The following CHRM3 variants were observed in gnomAD, a reference collection of about 807,000 sequenced individuals.
The protein encoded by CHRM3 is muscarinic acetylcholine receptor M3.
CHRM3 carries 11 observed loss-of-function variants against 41.8 expected under a neutral mutation model. The observed-to-expected ratio is 0.26, with a 90% confidence interval of 0.17 to 0.44. The LOEUF (loss-of-function observed/expected upper bound fraction) is 0.44, where lower values mean the gene tolerates loss of function less well. Ranked by LOEUF, CHRM3 falls within the 20% of genes least tolerant of loss-of-function variation. The pLI is 1.00. For synonymous variants in CHRM3, 297 were observed against 301.4 expected (o/e 0.99, Z 0.15); for missense variants, 571 against 745.4 (o/e 0.77, Z 2.72).
intron 5 of CHRM3, among the ~76,000 whole-genome samples, chr1:239,795,864 G>T (rs761879469): frequency 6.6e-6 from 1 of 152,102 alleles, no homozygotes; most frequent in Admixed American, 6.5e-5. Context: ...CAGCACACTG[G>T]ACCTGACCAA....
intron 2 of CHRM3, among the ~76,000 whole-genome samples, chr1:239,516,598 T>C (rs1669288732): frequency 6.6e-6 from 1 of 152,196 alleles, no homozygotes; most frequent in Non-Finnish European, 1.5e-5. Context: ...GAAGCTTCAG[T>C]TCCTTTACGC....
At chr1:239,834,309 C>T (rs995332756) in intron 6 of CHRM3, among the ~76,000 whole-genome samples, 2 of 139,464 alleles carry the variant, frequency 1.4e-5, no homozygotes, top group Non-Finnish European at 3.0e-5. Flanking sequence ...CAACTTAATG[C>T]CTTTTTTTTT....
At position 239,907,986 on chromosome 1, in the gene CHRM3, A is replaced by G; in HGVS notation, c.535A>G (p.Lys179Glu). 6.2e-7 allele frequency: 1 copy of G among 1,614,220 alleles called. No homozygotes were observed. The highest frequency in any genetic ancestry group is 1.7e-5 in the Admixed American group (1 of 60,022). Reference sequence around the variant, plus strand: ...CACGAGGCCGCTCACGTACCGAGCCAAACGAACAACAAAGAGAGCCGGTGT... The same window carrying G: ...CACGAGGCCGCTCACGTACCGAGCCGAACGAACAACAAAGAGAGCCGGTGT... Reference protein sequence around the residue: ...SITRPLTYRAKRTTKRAGVMI... With the variant: ...SITRPLTYRAERTTKRAGVMI... Residue 179 changes from lysine (K) to glutamate (E), a missense_variant, in exon 7 of 7, where the codon AAA becomes GAA. Physicochemically the swap from Lys to Glu is moderately conservative, Grantham distance 56 (BLOSUM62 1). Transcript: ENST00000676153. The surrounding 1 kb of genome is among the most constrained non-coding windows in gnomAD (Gnocchi z 5.4).
chr1:239,585,541 G>A (rs551815904), intron 3 of CHRM3, among the ~76,000 whole-genome samples: 4 of 152,270 alleles, frequency 2.6e-5, no homozygotes, highest in Admixed American at 6.5e-5. Flanking sequence ...AAGGGCAACC[G>A]TCAGCCTTTC....
Position 239,511,345 on chromosome 1 carries a change from T to A in CHRM3, c.-422+18538T>A, listed in dbSNP as rs183355288. Among the ~76,000 whole-genome samples the A allele has an allele frequency of 3.6e-3, 554 of 152,306 alleles. 4 individuals carry two copies. The highest frequency in any genetic ancestry group is 3.2e-3 in the Non-Finnish European group (215 of 68,022). On this transcript the variant is annotated intron_variant, in intron 2 of 6. Coordinates refer to ENST00000676153, the MANE Select transcript of CHRM3 (RefSeq NM_001375978.1). ...TTTTCTTGTAGTTGTCATCTTGTAG[T>A]CCTATTTAAAACTAAAGCATTATAA... is the stretch of plus-strand genomic sequence containing the variant.
intron 2 of CHRM3, among the ~76,000 whole-genome samples, chr1:239,531,686 G>A (rs150171339): frequency 9.7e-6 from 1 of 102,984 alleles, no homozygotes; most frequent in Non-Finnish European, 1.7e-5. Context: ...TGGAGGCAGA[G>A]TCTCGCTCTG....
intron 5 of CHRM3, among the ~76,000 whole-genome samples, chr1:239,755,577 G>A (rs1666174233): frequency 6.6e-6 from 1 of 152,158 alleles, no homozygotes; most frequent in African/African-American, 2.4e-5. Context: ...AACCTAGCAA[G>A]GAAAGGGTAC....
chr1:239,663,410 G>A (rs566188695), intron 4 of CHRM3, among the ~76,000 whole-genome samples: 1 of 152,264 alleles, frequency 6.6e-6, no homozygotes, highest in South Asian at 2.1e-4. Flanking sequence ...CACATCCCCT[G>A]GAGAGGGAAA....
At chr1:239,793,803 A>ATTGTTTT (rs1669531599) in intron 5 of CHRM3, among the ~76,000 whole-genome samples, 1 of 69,496 alleles carries the variant, frequency 1.4e-5, no homozygotes, top group Admixed American at 2.3e-4. Context: ...TGAAATGTGT[A>ATTGTTTT]TTTTTTTTTT....
chr1:239,500,272 G>A lies in CHRM3; in HGVS notation c.-422+7465G>A, dbSNP rs565287013. ...GAAAATGTGGCACATATACACCATG[G>A]AATACTATGCAGACATAAAAAGGAT... On this transcript the variant is annotated intron_variant, in intron 2 of 6. Transcript: ENST00000676153. Among the ~76,000 whole-genome samples the A allele has an allele frequency of 7.5e-4, 114 of 152,218 alleles. 1 individual carries two copies. The Middle Eastern group carries it at 0.02, about 27-fold the overall frequency.
At chr1:239,890,169 G>T (rs1462739912) in intron 6 of CHRM3, among the ~76,000 whole-genome samples, 2 of 151,848 alleles carry the variant, frequency 1.3e-5, no homozygotes, top group African/African-American at 4.8e-5. Flanking sequence ...GGCCTGGTGG[G>T]GCATGCCTGT....
At chr1:239,553,242 G>T (rs971795201) in intron 3 of CHRM3, among the ~76,000 whole-genome samples, 3 of 152,050 alleles carry the variant, frequency 2.0e-5, no homozygotes, top group Non-Finnish European at 2.9e-5. Flanking sequence ...GGGAAATAGA[G>T]AACTAATTTT....
At chr1:239,546,186 A>G (rs536975837) in intron 3 of CHRM3, 2 of 152,180 alleles carry the variant, frequency 1.3e-5, no homozygotes, top group Admixed American at 6.5e-5. Flanking sequence ...CACCATATTA[A>G]CAGTTGGTGT....
chr1:239,429,261 G>A (rs1315713878), intron 1 of CHRM3, among the ~76,000 whole-genome samples: 7 of 151,768 alleles, frequency 4.6e-5, no homozygotes, highest in Non-Finnish European at 1.0e-4. Context: ...TTATTTTTCC[G>A]CCTGTCAAAT....
chr1:239,507,068 AAGG>A (rs1179238228), intron 2 of CHRM3, among the ~76,000 whole-genome samples: 1 of 152,108 alleles, frequency 6.6e-6, no homozygotes, highest in African/African-American at 2.4e-5. Context: ...TCATAAGCAG[AAGG>A]GACTTGCGTT....
At chr1:239,704,030 C>T (rs773666973) in intron 5 of CHRM3, 2 of 152,096 alleles carry the variant, frequency 1.3e-5, no homozygotes, top group African/African-American at 4.8e-5. Context: ...CACATTTATC[C>T]GTTGGAGTTT....
At chr1:239,808,138 T>C (rs970639209) in intron 5 of CHRM3, among the ~76,000 whole-genome samples, 1 of 152,162 alleles carries the variant, frequency 6.6e-6, no homozygotes, top group Non-Finnish European at 1.5e-5. Context: ...AAAGTCCCAG[T>C]GTTTTGATGG....
At chr1:239,822,438 A>G (rs1036113342) in intron 5 of CHRM3, among the ~76,000 whole-genome samples, 3 of 152,212 alleles carry the variant, frequency 2.0e-5, no homozygotes, top group Admixed American at 2.0e-4. Context: ...TTTAACCAGA[A>G]CATCCAAAGG....
chr1:239,904,977 T>TCA (rs1679859273), intron 6 of CHRM3, among the ~76,000 whole-genome samples: 1 of 152,214 alleles, frequency 6.6e-6, no homozygotes, highest in Non-Finnish European at 1.5e-5. Flanking sequence ...GCTCCTGAGA[T>TCA]CATGGATTTT....
Sources: allele counts gnomAD v4.1 joint callset (sites outside exome capture counted in the v4.1 genomes callset), GRCh38; gene constraint gnomAD v4.1.1; non-coding constraint Gnocchi (gnomAD v3.1); transcripts MANE v1.5; gene names NCBI Gene and HGNC (gene_info 2026-07-23, HGNC 2026-07-21).